GFI1B: variants seen among roughly 807,000 people sequenced by gnomAD.
The protein encoded by GFI1B is growth factor independent 1B transcriptional repressor.
GFI1B carries 20 observed loss-of-function variants against 35.3 expected under a neutral mutation model. That is an observed-to-expected ratio of 0.57 (90% CI 0.40 to 0.82). The LOEUF (loss-of-function observed/expected upper bound fraction) is 0.82. Ranked by LOEUF, GFI1B falls within the 40% of genes least tolerant of loss-of-function variation. GFI1B has a pLI of 0.00. For missense variants in GFI1B, 430 were observed against 446.3 expected (o/e 0.96, Z 0.33); for synonymous variants, 178 against 177.6 (o/e 1.00, Z -0.02).
intron 1 of GFI1B, among the ~76,000 whole-genome samples, chr9:132,985,792 G>A (rs1446459104): frequency 2.0e-5 from 3 of 152,230 alleles, no homozygotes. Context: ...AAATTGCACA[G>A]CAAGTGAACT....
rs1849217170 is a variant in GFI1B, at chr9:132,989,712, G to A, written c.649-30G>A. 1 of 1,605,206 alleles carries A rather than the reference G, an allele frequency of 6.2e-7. No homozygotes were observed. The highest frequency in any genetic ancestry group is 8.5e-7 in the Non-Finnish European group (1 of 1,173,122). ...CGGGTCCAGTCCTGAGCCTGCACCT[G>A]ACCCCCCGGGGCCTCATTTCCTCCG... On this transcript the variant is annotated intron_variant, in intron 5 of 6. Transcript: ENST00000372122. The surrounding 1 kb of genome is among the most constrained non-coding windows in gnomAD (Gnocchi z 6.2).
At position 132,989,791 on chromosome 9, in the gene GFI1B, C is replaced by T; in HGVS notation, c.698C>T (p.Ser233Phe). 6.2e-7 allele frequency: 1 copy of T among 1,613,988 alleles called. No homozygotes were observed. Among genetic ancestry groups the T allele is most frequent in the African/African-American group, 1.3e-5 (1 of 75,066 alleles). ...RMCGKAFKRS[S>F]TLSTHLLIHS... ...TGCGGCAAGGCCTTCAAGCGCTCGTCCACGCTGTCCACCCACCTGCTCATC... is the reference window on the plus strand; with the variant it reads ...TGCGGCAAGGCCTTCAAGCGCTCGTTCACGCTGTCCACCCACCTGCTCATC... The change falls in exon 6 of 7, where the codon TCC (serine) becomes TTC (phenylalanine). Residue 233 changes from serine (S) to phenylalanine (F), a missense_variant. Physicochemically the swap from Ser to Phe is radical, Grantham distance 155. Coordinates refer to ENST00000372122, the MANE Select transcript of GFI1B (RefSeq NM_001377304.1). The surrounding 1 kb of genome is among the most constrained non-coding windows in gnomAD (Gnocchi z 6.2).
chr9:132,982,118 T>C (rs1374911268), intron 1 of GFI1B, among the ~76,000 whole-genome samples: 1 of 152,240 alleles, frequency 6.6e-6, no homozygotes, highest in Non-Finnish European at 1.5e-5. Flanking sequence ...GAGAACCAGC[T>C]GAGTCTTACC....
At chr9:132,975,648 T>G (rs952894406), upstream of GFI1B, among the ~76,000 whole-genome samples, 4 of 152,212 alleles carry the variant, frequency 2.6e-5, no homozygotes, top group African/African-American at 9.7e-5. Flanking sequence ...CCCCAGCATG[T>G]GGTGCCTTGT....
intron 1 of GFI1B, among the ~76,000 whole-genome samples, chr9:132,963,081 C>CA (rs763899545): frequency 0.32 from 14,573 of 45,818 alleles, 2,199 homozygotes; most frequent in Non-Finnish European, 0.42. Flanking sequence ...GACTCCATCT[C>CA]AAAAAAAAAA....
rs1288663800 is a variant in GFI1B at position 132,989,279 on chromosome 9, G to C, written c.648+81G>C. 7.1e-7 allele frequency: 1 copy of C among 1,415,056 alleles called. No homozygotes were observed. Among genetic ancestry groups the C allele is most frequent in the African/African-American group, 1.4e-5 (1 of 71,366 alleles). 87.7% of individuals were successfully genotyped at this position (1,415,056 alleles called of 1,614,324 possible). A position where few individuals can be genotyped will look rare whatever the true frequency, so the allele number is the denominator to read the frequency against. ...CAGGGAGCCTGGGGGCTGTGGCTGG[G>C]TCCCTCCCCCTGCCCCTGGGGGTGA... On this transcript the variant is annotated intron_variant, in intron 5 of 6. Coordinates refer to ENST00000372122, the MANE Select transcript of GFI1B (RefSeq NM_001377304.1). This position sits in a 1 kb window ranked among gnomAD's most constrained non-coding sequence, Gnocchi z 6.2.
At chr9:132,961,771 T>C (rs2132596133) in intron 1 of GFI1B, among the ~76,000 whole-genome samples, 1 of 152,100 alleles carries the variant, frequency 6.6e-6, no homozygotes, top group East Asian at 1.9e-4. Flanking sequence ...TTTTGTGTTT[T>C]TAATAGAGAC....
chr9:132,986,154 A>G (rs1427774003), intron 1 of GFI1B, among the ~76,000 whole-genome samples: 3 of 152,206 alleles, frequency 2.0e-5, no homozygotes, highest in Non-Finnish European at 4.4e-5. Context: ...GGGATCTAGA[A>G]ATCCAAAATC....
Position 132,988,055 on chromosome 9 carries a change from C to T in GFI1B, c.239-142C>T, listed in dbSNP as rs918581864. 28 of 731,634 alleles carry T rather than the reference C, an allele frequency of 3.8e-5. No homozygotes were observed. The Admixed American group carries it at 4.1e-4, about 11-fold the overall frequency. 45.3% of individuals were successfully genotyped at this position (731,634 alleles called of 1,614,324 possible). ...GAGACAGAGTTTCACCACGTTGGTC[C>T]GCCTGGTCTTGAACTCCCGACCTCA... On this transcript the variant is annotated intron_variant, in intron 3 of 6. Coordinates refer to ENST00000372122, the MANE Select transcript of GFI1B (RefSeq NM_001377304.1).
Position 132,965,163 on chromosome 9 carries a change from T to C in GFI1B, c.-700-7562T>C, listed in dbSNP as rs970627547. On this transcript the variant is annotated intron_variant, in intron 1 of 10. Transcript: ENST00000339463. ...AAATTAAAAAGCATCGATTTCCTAG[T>C]TCTGAACACTGAAACAGCTTAGAGG... Among the ~76,000 whole-genome samples, 4 of 152,292 alleles carry C rather than the reference T, an allele frequency of 2.6e-5. 1 individual carries two copies. In the South Asian group the frequency reaches 6.2e-4, roughly 24 times the overall value.
chr9:132,971,219 G>A lies in GFI1B; in HGVS notation c.-700-1506G>A, dbSNP rs374341067. Among the ~76,000 whole-genome samples, 65 of 152,278 alleles carry A rather than the reference G, an allele frequency of 4.3e-4. No homozygotes were observed. The South Asian group carries it at 0.013, about 32-fold the overall frequency. ...CCTAAACTTAGAAGTGGGGCCCATG[G>A]GTTTGACACCCCTGCCAGGGTTTCT... On this transcript the variant is annotated intron_variant, in intron 1 of 10. Transcript: ENST00000339463.
At chr9:132,990,173 A>G (rs1330809577) in intron 6 of GFI1B, among the ~76,000 whole-genome samples, 2 of 152,084 alleles carry the variant, frequency 1.3e-5, no homozygotes, top group Non-Finnish European at 2.9e-5. Flanking sequence ...TCATTTGTTC[A>G]CTCATTCACT....
chr9:132,990,237 G>T (rs190612273), intron 6 of GFI1B, among the ~76,000 whole-genome samples: 1 of 150,038 alleles, frequency 6.7e-6, no homozygotes, highest in Admixed American at 6.6e-5. Flanking sequence ...TCACACATTC[G>T]CTCACTCATT....
At chr9:132,984,254 G>C (rs1848940163) in intron 1 of GFI1B, among the ~76,000 whole-genome samples, 1 of 152,152 alleles carries the variant, frequency 6.6e-6, no homozygotes, top group Non-Finnish European at 1.5e-5. Context: ...CTCCCCCTAG[G>C]GTCTGGCCTC....
intron 1 of GFI1B, among the ~76,000 whole-genome samples, chr9:132,966,018 T>G (rs1848445915): frequency 1.3e-5 from 2 of 152,092 alleles, no homozygotes; most frequent in Admixed American, 1.3e-4. Context: ...ATTAAAAAAA[T>G]CCATGAGTTC....
rs1003657284 is a variant in GFI1B at position 132,991,116 on chromosome 9, A to T, written c.*66A>T. 2.6e-4 allele frequency: 371 copies of T among 1,411,840 alleles called. 9 individuals carry two copies. The East Asian group carries it at 8.4e-3, about 32-fold the overall frequency. The allele number at this position is 1,411,840 out of a possible 1,614,324, so 87.5% of individuals were successfully genotyped here. A position where few individuals can be genotyped will look rare whatever the true frequency, so the allele number is the denominator to read the frequency against. ...GTCCTGTCACCTGGAGGCCAGCCTC[A>T]CATGCCCAAATCTCCAGTCTCCTGG... is the stretch of plus-strand genomic sequence containing the variant. On this transcript the variant is annotated 3_prime_UTR_variant, in exon 7 of 7. Coordinates refer to ENST00000372122, the MANE Select transcript of GFI1B (RefSeq NM_001377304.1).
Position 132,988,287 on chromosome 9 carries a change from C to T in GFI1B, c.329C>T (p.Thr110Ile). The T allele has an allele frequency of 3.7e-6, 6 of 1,614,166 alleles. No individual in the cohort carries two copies. Among genetic ancestry groups the T allele is most frequent in the East Asian group, 4.5e-5 (2 of 44,882 alleles). Residue 110 changes from threonine to isoleucine, a missense_variant, in exon 4 of 7, where the codon ACC becomes ATC. Thr to Ile is a moderately conservative substitution (Grantham distance 89). Coordinates refer to ENST00000372122, the MANE Select transcript of GFI1B (RefSeq NM_001377304.1). ...PFYKPSFSWD[T>I]LATTYGHSYR... is the part of the protein sequence containing the mutation. ...TACAAGCCTAGCTTCTCCTGGGACACCTTGGCCACAACCTATGGCCACAGC... is the reference window on the plus strand; with the variant it reads ...TACAAGCCTAGCTTCTCCTGGGACATCTTGGCCACAACCTATGGCCACAGC...
At position 132,987,357 on chromosome 9, in the gene GFI1B, A is replaced by G; in HGVS notation, c.176A>G (p.Asn59Ser). The change falls in exon 3 of 7, where the codon AAC becomes AGC. Residue 59 changes from asparagine to serine, a missense_variant. Asn to Ser is a conservative substitution (Grantham distance 46). Coordinates refer to ENST00000372122, the MANE Select transcript of GFI1B (RefSeq NM_001377304.1). ...CCAAACCAGTGCCTGGACTGGACCA[A>G]CCTCAAACGAGAGCCGGAGCTGGAG... ...LFPNQCLDWT[N>S]LKREPELEQD... 3 of 1,614,234 alleles carry G rather than the reference A, an allele frequency of 1.9e-6. No homozygotes were observed. Among genetic ancestry groups the G allele is most frequent in the Non-Finnish European group, 2.5e-6 (3 of 1,180,034 alleles).
rs892236877 is a variant in GFI1B, at chr9:132,989,543, G to A, written c.649-199G>A. 8 of 604,094 alleles carry A rather than the reference G, an allele frequency of 1.3e-5. No individual in the cohort carries two copies. Among genetic ancestry groups the A allele is most frequent in the African/African-American group, 3.7e-5 (2 of 53,924 alleles). The allele number at this position is 604,094 out of a possible 1,614,324, so 37.4% of individuals were successfully genotyped here. A position where few individuals can be genotyped will look rare whatever the true frequency, so the allele number is the denominator to read the frequency against. ...TGAGGTTTATTTTGAGCGGGATACC[G>A]TGAAGATTACAAGGAAAAATCCCAC... On this transcript the variant is annotated intron_variant, in intron 5 of 6. Transcript: ENST00000372122. This position sits in a 1 kb window ranked among gnomAD's most constrained non-coding sequence, Gnocchi z 6.2.
Sources: gnomAD v4.1 joint callset for allele counts (sites outside exome capture counted in the v4.1 genomes callset) on GRCh38, gnomAD v4.1.1 for gene constraint, Gnocchi (gnomAD v3.1) non-coding constraint, MANE v1.5 for transcripts, NCBI Gene and HGNC (gene_info 2026-07-23, HGNC 2026-07-21) for gene names.